SH3KBP1: variants seen among roughly 807,000 people sequenced by gnomAD.
SH3KBP1 encodes SH3 domain containing kinase binding protein 1.
Under a neutral mutation model 50.1 loss-of-function variants are expected in SH3KBP1, and 8 were observed. That is an observed-to-expected ratio of 0.16 (90% confidence interval 0.09 to 0.29). The LOEUF (loss-of-function observed/expected upper bound fraction) is 0.29. Ranked by LOEUF, SH3KBP1 falls within the 10% of genes least tolerant of loss-of-function variation. SH3KBP1 has a pLI of 1.00. For missense variants in SH3KBP1, 377 were observed against 535.2 expected, an observed-to-expected ratio of 0.70 and a Z score of 2.92; for synonymous variants, 227 against 218.6, an observed-to-expected ratio of 1.04 and a Z score of -0.34.
At chrX:19,797,061 T>C (rs1319548671) in intron 2 of SH3KBP1, among the ~76,000 whole-genome samples, 3 of 112,670 alleles carry the variant, frequency 2.7e-5, no homozygotes, top group East Asian at 5.5e-4. Context: ...GCTGGGGATA[T>C]GGTAGGGATA....
At chrX:19,687,639 C>G (rs759096584) in intron 5 of SH3KBP1, 17 of 1,206,189 alleles carry the variant, frequency 1.4e-5, no homozygotes, top group Non-Finnish European at 1.9e-5. Context: ...TGTGGCCCTC[C>G]GTCTTTCCCG....
chrX:19,600,023 T>C lies in SH3KBP1; in HGVS notation c.1006-5023A>G, dbSNP rs768546111. Among the ~76,000 whole-genome samples, 10 of 98,988 alleles carry C rather than the reference T, an allele frequency of 1.0e-4. No individual in the cohort carries two copies. In the South Asian group the frequency reaches 4.7e-3, roughly 47 times the overall value. 86.0% of individuals were successfully genotyped at this position (98,988 alleles called of 115,157 possible). A position where few individuals can be genotyped will look rare whatever the true frequency, so the allele number is the denominator to read the frequency against. On this transcript the variant is annotated intron_variant, in intron 9 of 17. Transcript: ENST00000397821. ...GGTGGCAGACACCTGTAGTCCCAGCTACTCAGGAGGCTGAGGCAGGAGAAT... is the reference window on the plus strand; with the variant it reads ...GGTGGCAGACACCTGTAGTCCCAGCCACTCAGGAGGCTGAGGCAGGAGAAT...
intron 10 of SH3KBP1, 145 bp from the exon 11 acceptor site, chrX:19,592,292 G>A (rs748139575): frequency 5.6e-5 from 27 of 483,774 alleles, no homozygotes; most frequent in South Asian, 9.6e-5. Context: ...TGGCAAGCAC[G>A]AGCTGTTTAG....
chrX:19,813,530 T>C (rs1180874752), intron 2 of SH3KBP1, among the ~76,000 whole-genome samples: 1 of 112,064 alleles, frequency 8.9e-6, no homozygotes, highest in Non-Finnish European at 1.9e-5. Context: ...AAGTATGTAA[T>C]GCATGATTAT....
chrX:19,746,671 T>C (rs1236540087), intron 2 of SH3KBP1, among the ~76,000 whole-genome samples: 2 of 112,035 alleles, frequency 1.8e-5, no homozygotes, highest in East Asian at 5.6e-4. Context: ...GGCGACCTTA[T>C]GTAACTATGG....
At position 19,691,356 on chromosome X, in the gene SH3KBP1, C is replaced by CTCTCTA. The variant is rs1556252171; in HGVS notation, c.520+4255_520+4256insTAGAGA. 8.2e-5 allele frequency among the ~76,000 whole-genome samples: 6 copies of CTCTCTA among 73,564 alleles called. No homozygotes were observed. In the South Asian group the frequency reaches 3.2e-3, roughly 39 times the overall value. 63.9% of individuals were successfully genotyped at this position (73,564 alleles called of 115,157 possible). A position where few individuals can be genotyped will look rare whatever the true frequency, so the allele number is the denominator to read the frequency against. On this transcript the variant is annotated intron_variant, in intron 5 of 17. Transcript: ENST00000397821. ...TCTCTCTCTCTCTCTCTCTCTCTCT[C>CTCTCTA]TATATATATATATATCTTTTGAGAT...
intron 1 of SH3KBP1, among the ~76,000 whole-genome samples, chrX:19,861,103 G>A (rs2068763671): frequency 9.0e-6 from 1 of 111,714 alleles, no homozygotes; most frequent in South Asian, 3.7e-4. Context: ...CAGGCCAGGC[G>A]CGGTGGCTCA....
chrX:19,559,892 A>G (rs2065616646), intron 13 of SH3KBP1, among the ~76,000 whole-genome samples: 1 of 111,504 alleles, frequency 9.0e-6, no homozygotes, highest in Non-Finnish European at 1.9e-5. Context: ...TAGGAGGGCA[A>G]ACATCCTACT....
At chrX:19,795,508 T>C (rs1047714714) in intron 2 of SH3KBP1, among the ~76,000 whole-genome samples, 1 of 111,523 alleles carries the variant, frequency 9.0e-6, no homozygotes, top group African/African-American at 3.3e-5. Context: ...CTCCTCCTCC[T>C]CCTCCATGTT....
chrX:19,838,902 A>AG (rs1395057815), intron 1 of SH3KBP1, among the ~76,000 whole-genome samples: 2 of 106,901 alleles, frequency 1.9e-5, no homozygotes, highest in African/African-American at 3.4e-5. Flanking sequence ...AAAAAAAAAA[A>AG]AAAAGAAAAA....
chrX:19,748,619 G>T (rs182143043), intron 2 of SH3KBP1, among the ~76,000 whole-genome samples: 84 of 111,953 alleles, frequency 7.5e-4, no homozygotes, highest in Admixed American at 3.1e-3. Flanking sequence ...GCTTCTTTAG[G>T]TGGAAGCAGG....
intron 1 of SH3KBP1, among the ~76,000 whole-genome samples, chrX:19,838,886 C>CAAAAAAA (rs1187740894): frequency 3.3e-5 from 1 of 30,035 alleles, no homozygotes; most frequent in Non-Finnish European, 7.2e-5. Context: ...AACTTTGTCT[C>CAAAAAAA]AAAAAAAAAA....
chrX:19,874,595 G>T (rs1001150123), intron 1 of SH3KBP1, among the ~76,000 whole-genome samples: 8 of 103,892 alleles, frequency 7.7e-5, no homozygotes, highest in African/African-American at 2.5e-4. Context: ...TAAGACACAG[G>T]GGCCAGGAGA....
At chrX:19,669,049 A>G (rs1460549458) in intron 6 of SH3KBP1, among the ~76,000 whole-genome samples, 1 of 91,309 alleles carries the variant, frequency 1.1e-5, no homozygotes, top group Non-Finnish European at 2.2e-5. Flanking sequence ...TGCAGCCTCA[A>G]CCTCCCGGGC....
At chrX:19,553,988 ATAAT>A (rs1235376869) in intron 13 of SH3KBP1, among the ~76,000 whole-genome samples, 1 of 69,647 alleles carries the variant, frequency 1.4e-5, no homozygotes, top group African/African-American at 6.9e-5. Flanking sequence ...AATATAATAT[ATAAT>A]ATATATTAAA....
rs979133882 is a variant in SH3KBP1, at chrX:19,731,182, G to A, written c.286+15136C>T. 2.7e-5 allele frequency among the ~76,000 whole-genome samples: 3 copies of A among 111,798 alleles called. No individual in the cohort carries two copies. The South Asian group carries it at 1.1e-3, about 41-fold the overall frequency. On this transcript the variant is annotated intron_variant, in intron 3 of 17. Coordinates refer to ENST00000397821, the MANE Select transcript of SH3KBP1 (RefSeq NM_031892.3). ...TCGAACTCCTGACCTCAGGTAATCC[G>A]CCCGCCTCGGCCTCCCAAAGTGCTG...
In SH3KBP1 at chrX:19,585,204, ATACTAAATG is replaced by A. The variant is rs375347143; in HGVS notation, c.1298+3430_1298+3438del. ...AGGTTACTTAGAATGTAAGACACGC[ATACTAAATG>A]TACTAAATGTACTAAATGTACTAAA... is the stretch of plus-strand genomic sequence containing the variant. On this transcript the variant is annotated intron_variant, in intron 12 of 17. Transcript: ENST00000397821. Among the ~76,000 whole-genome samples the A allele has an allele frequency of 8.1e-3, 903 of 111,905 alleles. 13 individuals are homozygous for A. The highest frequency in any genetic ancestry group is 0.025 in the African/African-American group (760 of 30,694).
chrX:19,838,112 T>A (rs901348063), intron 1 of SH3KBP1, among the ~76,000 whole-genome samples: 1 of 111,696 alleles, frequency 9.0e-6, no homozygotes, highest in Non-Finnish European at 1.9e-5. Flanking sequence ...CCAACTTCAA[T>A]ACACTGAGAT....
At chrX:19,766,769 G>A (rs1364451648) in intron 2 of SH3KBP1, among the ~76,000 whole-genome samples, 1 of 110,437 alleles carries the variant, frequency 9.1e-6, no homozygotes, top group Non-Finnish European at 1.9e-5. Context: ...GGGATTACAG[G>A]CATGAGCCAC....
Sources: gnomAD v4.1 joint callset for allele counts (sites outside exome capture counted in the v4.1 genomes callset) on GRCh38, gnomAD v4.1.1 for gene constraint, MANE v1.5 for transcripts, NCBI Gene and HGNC (gene_info 2026-07-23, HGNC 2026-07-21) for gene names.